The following NEK11 variants were observed in gnomAD, a reference collection of about 807,000 sequenced individuals.
NEK11 encodes the protein NIMA related kinase 11.
NEK11 carries 72 observed loss-of-function variants against 80.7 expected under a neutral mutation model. That is an observed-to-expected ratio of 0.89 (90% CI 0.74 to 1.08). The LOEUF (loss-of-function observed/expected upper bound fraction) is 1.08. Ranked by LOEUF, NEK11 falls within the 50% of genes least tolerant of loss-of-function variation. The pLI, the probability that NEK11 is intolerant of heterozygous loss-of-function variation, is 0.00. For synonymous variants in NEK11, 251 were observed against 260.7 expected (o/e 0.96, Z 0.36); for missense variants, 764 against 763.6 (o/e 1.00, Z -0.01).
intron 14 of NEK11, among the ~76,000 whole-genome samples, chr3:131,212,332 T>C (rs1031389456): frequency 2.0e-5 from 3 of 152,204 alleles, no homozygotes; most frequent in Admixed American, 1.3e-4. Flanking sequence ...ACAGCAAATA[T>C]TGCTGCCTGA....
chr3:131,215,108 C>T (rs762649460), intron 14 of NEK11, among the ~76,000 whole-genome samples: 1 of 152,128 alleles, frequency 6.6e-6, no homozygotes, highest in Non-Finnish European at 1.5e-5. Context: ...TTCAGTTCCA[C>T]TTGCAGTTAG....
chr3:131,215,381 C>G (rs953894346), intron 14 of NEK11, among the ~76,000 whole-genome samples: 7 of 151,846 alleles, frequency 4.6e-5, no homozygotes, highest in African/African-American at 1.7e-4. Flanking sequence ...ATGTAACAGA[C>G]CTGCACGTTG....
intron 3 of NEK11, among the ~76,000 whole-genome samples, chr3:131,062,392 C>A (rs1242894988): frequency 6.6e-6 from 1 of 152,186 alleles, no homozygotes; most frequent in Non-Finnish European, 1.5e-5. Context: ...GCTGCCCTCT[C>A]ATTACTGTAG....
chr3:131,257,011 G>T (rs1303236326), intron 16 of NEK11, among the ~76,000 whole-genome samples: 1 of 151,876 alleles, frequency 6.6e-6, no homozygotes, highest in South Asian at 2.1e-4. Context: ...TTAAGACAGG[G>T]TCTCACTCTA....
intron 7 of NEK11, among the ~76,000 whole-genome samples, chr3:131,148,238 A>G (rs533233370): frequency 3.0e-4 from 45 of 152,032 alleles, no homozygotes; most frequent in African/African-American, 1.1e-3. Flanking sequence ...ATGATGTATT[A>G]TCTTTTTAAT....
At chr3:131,041,409 T>G (rs978186693) in intron 3 of NEK11, among the ~76,000 whole-genome samples, 11 of 152,314 alleles carry the variant, frequency 7.2e-5, no homozygotes, top group African/African-American at 2.6e-4. Context: ...AGTAAGTACA[T>G]ATTCAAAAGG....
At chr3:131,213,710 C>T (rs1257062087) in intron 14 of NEK11, among the ~76,000 whole-genome samples, 1 of 152,222 alleles carries the variant, frequency 6.6e-6, no homozygotes, top group African/African-American at 2.4e-5. Context: ...CACCTCGAAG[C>T]ATGTCAGAAA....
At chr3:131,243,317 T>C (rs1300838688) in intron 15 of NEK11, 119 bp from the exon 16 acceptor site, 4 of 768,002 alleles carry the variant, frequency 5.2e-6, no homozygotes, top group Non-Finnish European at 8.5e-6. Flanking sequence ...AGGATTATAC[T>C]GAAATAATTT....
chr3:131,196,924 G>A (rs572461699), intron 14 of NEK11, among the ~76,000 whole-genome samples: 1 of 151,830 alleles, frequency 6.6e-6, no homozygotes, highest in East Asian at 1.9e-4. Context: ...AAAGGGAGGG[G>A]ACCCAAAAAT....
chr3:131,223,309 T>C (rs1325063025), intron 14 of NEK11, among the ~76,000 whole-genome samples: 1 of 152,194 alleles, frequency 6.6e-6, no homozygotes, highest in African/African-American at 2.4e-5. Context: ...TAGTGGTGCT[T>C]ACTTAAGAAA....
intron 10 of NEK11, among the ~76,000 whole-genome samples, chr3:131,158,392 G>C (rs1183049092): frequency 6.6e-6 from 1 of 152,110 alleles, no homozygotes; most frequent in Non-Finnish European, 1.5e-5. Flanking sequence ...TACTGCTGCT[G>C]ACAGGAGTGT....
At chr3:131,050,994 C>G (rs1203086389) in intron 3 of NEK11, among the ~76,000 whole-genome samples, 1 of 152,192 alleles carries the variant, frequency 6.6e-6, no homozygotes, top group East Asian at 1.9e-4. Context: ...AATTGCACCA[C>G]AGCATCCCAT....
intron 12 of NEK11, among the ~76,000 whole-genome samples, chr3:131,167,590 G>A (rs933184159): frequency 2.0e-5 from 3 of 152,062 alleles, no homozygotes; most frequent in African/African-American, 7.2e-5. Flanking sequence ...ATAAATCAAG[G>A]TCCTTTGGGG....
At chr3:131,274,632 C>G (rs1210053707) in intron 17 of NEK11, among the ~76,000 whole-genome samples, 1 of 45,304 alleles carries the variant, frequency 2.2e-5, no homozygotes, top group Non-Finnish European at 4.0e-5. Context: ...TGTTTCCTGA[C>G]TTTTTTTTTT....
intron 17 of NEK11, among the ~76,000 whole-genome samples, chr3:131,303,906 G>A (rs1215747362): frequency 6.6e-6 from 1 of 152,118 alleles, no homozygotes; most frequent in African/African-American, 2.4e-5. Flanking sequence ...CTCTAGCAAG[G>A]TGGGGAAAAT....
chr3:131,096,130 C>T (rs2077392390), intron 4 of NEK11, among the ~76,000 whole-genome samples: 1 of 151,806 alleles, frequency 6.6e-6, no homozygotes, highest in Non-Finnish European at 1.5e-5. Context: ...ATATTGCACC[C>T]AGGTAGTGAA....
chr3:131,176,430 C>T (rs1326510930), intron 14 of NEK11, among the ~76,000 whole-genome samples: 3 of 152,162 alleles, frequency 2.0e-5, no homozygotes, highest in Admixed American at 1.3e-4. Flanking sequence ...CACTGAGTTA[C>T]ATTTGCATTT....
intron 17 of NEK11, among the ~76,000 whole-genome samples, chr3:131,288,450 C>CTTTCTTTCTTTCTTTCTT (rs536834704): frequency 8.7e-6 from 1 of 115,396 alleles, no homozygotes; most frequent in Non-Finnish European, 1.8e-5. Flanking sequence ...TTCTTTCTTT[C>CTTTCTTTCTTTCTTTCTT]TTTTTTTTTT....
chr3:131,222,310 T>C (rs376743768), intron 14 of NEK11, among the ~76,000 whole-genome samples: 5 of 152,342 alleles, frequency 3.3e-5, no homozygotes, highest in African/African-American at 1.2e-4. Flanking sequence ...CATTCTAGTC[T>C]ACATTGAAGA....
Sources: gnomAD v4.1 joint callset for allele counts (sites outside exome capture counted in the v4.1 genomes callset) on GRCh38, gnomAD v4.1.1 for gene constraint, MANE v1.5 for transcripts, NCBI Gene and HGNC (gene_info 2026-07-23, HGNC 2026-07-21) for gene names.